TRERF1: variants seen among roughly 807,000 people sequenced by gnomAD.
The protein encoded by TRERF1 is transcriptional-regulating factor 1.
TRERF1 carries 27 observed loss-of-function variants against 122.9 expected under a neutral mutation model. The ratio of observed to expected loss-of-function variants is 0.22; its 90% CI spans 0.16 to 0.30. TRERF1 has a LOEUF of 0.30. TRERF1 is among the 10% of genes least tolerant of loss of function. The pLI is 1.00. For missense variants in TRERF1, 1,248 were observed against 1,560.3 expected (o/e 0.80, Z 3.37); for synonymous variants, 636 against 641.7 (o/e 0.99, Z 0.13).
Position 42,269,180 on chromosome 6 carries a change from G to A in TRERF1, c.411C>T (p.Ser137=), listed in dbSNP as rs368963810. The change falls in exon 5 of 18, where the codon AGC becomes AGT. Residue 137 remains serine (S), a synonymous_variant. Transcript: ENST00000372922. The surrounding 1 kb of genome is among the most constrained non-coding windows in gnomAD (Gnocchi z 4.9). ...AAGAGTCCAGCTTGTGTAAGACACC[G>A]CTGGTAAGCTTCTGGGTCCGGATCT... The A allele has an allele frequency of 1.5e-5, 24 of 1,614,120 alleles. No individual in the cohort carries two copies. Among genetic ancestry groups the A allele is most frequent in the African/African-American group, 1.3e-4 (10 of 74,930 alleles).
chr6:42,387,139 T>C (rs546959867), intron 2 of TRERF1, among the ~76,000 whole-genome samples: 5 of 152,240 alleles, frequency 3.3e-5, no homozygotes, highest in Non-Finnish European at 7.3e-5. Context: ...GCTGTTGTTT[T>C]ATACACAGGA....
intron 3 of TRERF1, among the ~76,000 whole-genome samples, chr6:42,347,185 G>C (rs1288219929): frequency 1.3e-5 from 2 of 152,166 alleles, no homozygotes; most frequent in Non-Finnish European, 2.9e-5. Flanking sequence ...CTCAGCTCTT[G>C]AAGCCATCTC....
rs1403612099 is a variant in TRERF1 at position 42,263,367 on chromosome 6, T to C, written c.1837A>G (p.Arg613Gly). ...GACATCGAGCTGGCTGGCTTGTCTC[T>C]GGCGGAGGGGGCGGCAACGGTGCTG... The change falls in exon 8 of 18, where the codon AGA becomes GGA. Residue 613 changes from arginine (R) to glycine (G), a missense_variant. Physicochemically the swap from Arg to Gly is moderately radical, Grantham distance 125. This residue lies in a region of TRERF1 where 946 missense variants were observed against 1,073.0 expected (regional missense o/e 0.88). Transcript: ENST00000372922. This position sits in a 1 kb window ranked among gnomAD's most constrained non-coding sequence, Gnocchi z 5.6. The C allele has an allele frequency of 1.2e-6, 2 of 1,613,004 alleles. No individual in the cohort carries two copies. The highest frequency in any genetic ancestry group is 2.2e-5 in the South Asian group (2 of 90,652).
At chr6:42,372,128 G>T (rs1773882704) in intron 2 of TRERF1, among the ~76,000 whole-genome samples, 1 of 152,148 alleles carries the variant, frequency 6.6e-6, no homozygotes, top group Non-Finnish European at 1.5e-5. Flanking sequence ...GTTGCAGTGA[G>T]CCGAGATCAA....
chr6:42,290,127 C>T (rs895580230), intron 4 of TRERF1, among the ~76,000 whole-genome samples: 4 of 152,184 alleles, frequency 2.6e-5, no homozygotes, highest in African/African-American at 7.2e-5. Context: ...GCGGCCAGCA[C>T]GCCGGTGAAC....
intron 15 of TRERF1, among the ~76,000 whole-genome samples, chr6:42,237,333 TC>T (rs1170610855): frequency 6.6e-6 from 1 of 152,130 alleles, no homozygotes; most frequent in East Asian, 1.9e-4. Flanking sequence ...GCTCTCATTC[TC>T]CCCTTGCTTA....
Position 42,276,457 on chromosome 6 carries a change from C to T in TRERF1, c.-258-6609G>A, listed in dbSNP as rs187092218. Among the ~76,000 whole-genome samples, 446 of 152,198 alleles carry T rather than the reference C, an allele frequency of 2.9e-3. 1 individual carries two copies. The highest frequency in any genetic ancestry group is 0.01 in the African/African-American group (429 of 41,500). On this transcript the variant is annotated intron_variant, in intron 4 of 17. Transcript: ENST00000372922. This position sits in a 1 kb window ranked among gnomAD's most constrained non-coding sequence, Gnocchi z 4.3. ...TTGTGTTTTAGTCCAGCCTTCCTCT[C>T]GGCTCTGTCAAGGAAGCTTCACTCG...
chr6:42,347,084 TGGGAGAGGACCCC>T (rs1768442447), intron 3 of TRERF1, among the ~76,000 whole-genome samples: 1 of 152,254 alleles, frequency 6.6e-6, no homozygotes, highest in Non-Finnish European at 1.5e-5. Context: ...GCCATCCAGT[TGGGAGAGGACCCC>T]ATGTATCCCT....
chr6:42,292,671 A>C (rs927458004), intron 4 of TRERF1, among the ~76,000 whole-genome samples: 3 of 152,184 alleles, frequency 2.0e-5, no homozygotes, highest in Non-Finnish European at 2.9e-5. Flanking sequence ...TGTTACTGGT[A>C]ACGAAGGTGG....
At chr6:42,445,391 G>A (rs1297341930) in intron 2 of TRERF1, among the ~76,000 whole-genome samples, 3 of 120,454 alleles carry the variant, frequency 2.5e-5, no homozygotes, top group Non-Finnish European at 3.7e-5. Flanking sequence ...CACACACACA[G>A]CACACACCTC....
intron 2 of TRERF1, among the ~76,000 whole-genome samples, chr6:42,439,078 T>C (rs1393908004): frequency 6.6e-6 from 1 of 152,096 alleles, no homozygotes; most frequent in Admixed American, 6.5e-5. Context: ...GAGAGAGAAA[T>C]GGCAGGCCAT....
rs1468127177 is a variant in TRERF1 at position 42,418,268 on chromosome 6, T to TTC, written c.-454+32908_-454+32909insGA. 4.0e-3 allele frequency among the ~76,000 whole-genome samples: 492 copies of TTC among 121,574 alleles called. 12 individuals carry two copies. Among genetic ancestry groups the TTC allele is most frequent in the African/African-American group, 0.014 (458 of 33,246 alleles). 79.8% of individuals were successfully genotyped at this position (121,574 alleles called of 152,430 possible). A position where few individuals can be genotyped will look rare whatever the true frequency, so the allele number is the denominator to read the frequency against. Reference sequence around the variant, plus strand: ...GGAGTTTTGCTCTTTCTTTCTTTCTTTTTTTTTTTTTTTTTTCCGAGATGG... The same window carrying TTC: ...GGAGTTTTGCTCTTTCTTTCTTTCTTTCTTTTTTTTTTTTTTTTCCGAGATGG... On this transcript the variant is annotated intron_variant, in intron 2 of 17. Coordinates refer to ENST00000372922, the Ensembl canonical transcript of TRERF1.
At chr6:42,373,767 G>C (rs1774236618) in intron 2 of TRERF1, among the ~76,000 whole-genome samples, 2 of 151,144 alleles carry the variant, frequency 1.3e-5, no homozygotes, top group Admixed American at 1.3e-4. Context: ...GGAGGCAGAG[G>C]TTGCGGTGAG....
In TRERF1 at chr6:42,268,481, G is replaced by A. The variant is rs1357019520; in HGVS notation, c.1110C>T (p.Pro370=). 1 of 1,607,554 alleles carries A rather than the reference G, an allele frequency of 6.2e-7. No homozygotes were observed. Among genetic ancestry groups the A allele is most frequent in the Admixed American group, 1.7e-5 (1 of 59,768 alleles). The change falls in exon 5 of 18, where the codon CCC becomes CCT. Residue 370 remains proline, a synonymous_variant. Transcript: ENST00000372922. The surrounding 1 kb of genome is among the most constrained non-coding windows in gnomAD (Gnocchi z 4.4). ...AGTAGTACTGGGACATGGAGCCCAG[G>A]GGAATCAGCTGGACAGTGTGTGCCT...
chr6:42,447,940 G>A (rs545821423), intron 2 of TRERF1, among the ~76,000 whole-genome samples: 8 of 152,226 alleles, frequency 5.3e-5, no homozygotes, highest in Middle Eastern at 3.4e-3. Context: ...CTGACCTCAG[G>A]TGATCCGCCT....
At chr6:42,446,644 A>G (rs1189779489) in intron 2 of TRERF1, among the ~76,000 whole-genome samples, 1 of 152,198 alleles carries the variant, frequency 6.6e-6, no homozygotes, top group African/African-American at 2.4e-5. Flanking sequence ...GGCAAATAGT[A>G]AGTCCTCAAT....
chr6:42,244,054 T>C (rs991097009), intron 14 of TRERF1, among the ~76,000 whole-genome samples: 102 of 151,948 alleles, frequency 6.7e-4, no homozygotes, highest in African/African-American at 2.0e-3. Context: ...CATTTTTTTC[T>C]ATTTTTAGTA....
chr6:42,361,645 G>A (rs1038832283), intron 3 of TRERF1, among the ~76,000 whole-genome samples: 3 of 152,140 alleles, frequency 2.0e-5, no homozygotes, highest in African/African-American at 7.2e-5. Flanking sequence ...ACCTCACAAT[G>A]CAAAGTTTCA....
intron 4 of TRERF1, among the ~76,000 whole-genome samples, chr6:42,277,854 AAAGAAGG>A (rs1321320657): frequency 6.9e-6 from 1 of 145,016 alleles, no homozygotes; most frequent in East Asian, 2.0e-4. Context: ...TAAGAAGAAG[AAAGAAGG>A]AAGAAGGAAG....
Sources: allele counts gnomAD v4.1 joint callset (sites outside exome capture counted in the v4.1 genomes callset), GRCh38; gene constraint gnomAD v4.1.1; regional missense constraint gnomAD v4.1.1; non-coding constraint Gnocchi (gnomAD v3.1); transcripts MANE v1.5; gene names NCBI Gene and HGNC (gene_info 2026-07-23, HGNC 2026-07-21).